TBL1X: variants seen among roughly 807,000 people sequenced by gnomAD.
TBL1X encodes transducin beta like 1 X-linked, also known as F-box-like/WD repeat-containing protein TBL1X.
In TBL1X, 10 loss-of-function variants were observed where a neutral mutation model predicts 50.7. The observed-to-expected ratio is 0.20, with a 90% CI of 0.12 to 0.33. The LOEUF is 0.33. Among genes scored for constraint, TBL1X ranks in the 10% least tolerant of loss-of-function variants. The pLI, the probability that TBL1X is intolerant of heterozygous loss-of-function variation, is 1.00. For missense variants in TBL1X, 340 were observed against 504.4 expected (o/e 0.67, Z 3.12); for synonymous variants, 190 against 214.7 (o/e 0.88, Z 1.01).
intron 5 of TBL1X, among the ~76,000 whole-genome samples, chrX:9,681,334 G>A (rs961458097): frequency 8.9e-6 from 1 of 111,923 alleles, no homozygotes; most frequent in Non-Finnish European, 1.9e-5. Context: ...AGTAAAAAGC[G>A]GAATCTCGGA....
intron 8 of TBL1X, 21 bp downstream of exon 8, chrX:9,691,732 G>GA: frequency 8.3e-7 from 1 of 1,208,534 alleles, no homozygotes; most frequent in African/African-American, 1.7e-5. Flanking sequence ...CAGGGTGGGG[G>GA]GCGCTCCAGA....
At chrX:9,571,942 T>A (rs930404198) in intron 2 of TBL1X, among the ~76,000 whole-genome samples, 1 of 112,519 alleles carries the variant, frequency 8.9e-6, no homozygotes, top group African/African-American at 3.2e-5. Flanking sequence ...CTGAATAATA[T>A]TCCCTTGTGT....
chrX:9,610,912 C>T (rs1440996431), intron 2 of TBL1X, among the ~76,000 whole-genome samples: 1 of 111,971 alleles, frequency 8.9e-6, no homozygotes, highest in African/African-American at 3.3e-5. Context: ...TGTTTTTCCT[C>T]AAAAGTGTAT....
intron 2 of TBL1X, among the ~76,000 whole-genome samples, chrX:9,581,732 G>A (rs1044604399): frequency 8.9e-5 from 10 of 111,992 alleles, no homozygotes; most frequent in Non-Finnish European, 1.7e-4. Context: ...TCTTGGAGAG[G>A]GCCAAGATCC....
chrX:9,483,621 C>A (rs184436478), intron 1 of TBL1X, among the ~76,000 whole-genome samples: 148 of 111,287 alleles, frequency 1.3e-3, no homozygotes, highest in South Asian at 2.3e-3. Context: ...CCCCCTGAAG[C>A]CTGCCTGCCT....
chrX:9,621,861 T>G (rs1219414034), intron 2 of TBL1X, among the ~76,000 whole-genome samples: 1 of 111,777 alleles, frequency 8.9e-6, no homozygotes, highest in Non-Finnish European at 1.9e-5. Flanking sequence ...TGACGAACAT[T>G]CAGATGTTCC....
At chrX:9,477,242 C>T (rs1054671173) in intron 1 of TBL1X, among the ~76,000 whole-genome samples, 8 of 112,278 alleles carry the variant, frequency 7.1e-5, no homozygotes, top group East Asian at 2.8e-4. Context: ...TTCTGCATGG[C>T]GTTTGCTGTG....
chrX:9,497,076 A>G (rs955954886), intron 1 of TBL1X, among the ~76,000 whole-genome samples: 1 of 111,629 alleles, frequency 9.0e-6, no homozygotes, highest in African/African-American at 3.3e-5. Flanking sequence ...TCAGGGCTCC[A>G]CTTGGTCTTA....
chrX:9,517,512 C>G (rs1407978539), intron 2 of TBL1X, among the ~76,000 whole-genome samples: 1 of 111,830 alleles, frequency 8.9e-6, no homozygotes, highest in Non-Finnish European at 1.9e-5. Context: ...AAATCCACAT[C>G]ACTAGAAAGA....
chrX:9,702,230 G>A (rs767216890), intron 12 of TBL1X, among the ~76,000 whole-genome samples: 1 of 110,316 alleles, frequency 9.1e-6, no homozygotes, highest in Non-Finnish European at 1.9e-5. Context: ...GAGCCCAGGA[G>A]TTTGAGACCA....
At chrX:9,597,813 C>T (rs946740604) in intron 2 of TBL1X, among the ~76,000 whole-genome samples, 1 of 111,769 alleles carries the variant, frequency 8.9e-6, no homozygotes, top group Non-Finnish European at 1.9e-5. Context: ...CCTGTAACCC[C>T]AGCTCCAGTG....
chrX:9,626,924 A>G (rs1291887072), intron 2 of TBL1X, among the ~76,000 whole-genome samples: 1 of 112,416 alleles, frequency 8.9e-6, no homozygotes, highest in Non-Finnish European at 1.9e-5. Context: ...ATTCCTATTC[A>G]GCGGCTGTAG....
At chrX:9,684,883 G>C (rs2083048221) in intron 6 of TBL1X, among the ~76,000 whole-genome samples, 1 of 112,324 alleles carries the variant, frequency 8.9e-6, no homozygotes, top group African/African-American at 3.2e-5. Flanking sequence ...TTCTGGAGCA[G>C]GTTGGTTAGA....
chrX:9,499,457 C>T (rs1389611339), intron 1 of TBL1X, among the ~76,000 whole-genome samples: 10 of 111,774 alleles, frequency 8.9e-5, no homozygotes, highest in African/African-American at 1.6e-4. Flanking sequence ...AGGGATAGGT[C>T]GGAAGAGAAA....
chrX:9,636,144 G>C (rs977631939), intron 2 of TBL1X: 1 of 111,890 alleles, frequency 8.9e-6, no homozygotes, highest in Non-Finnish European at 1.9e-5. Flanking sequence ...AGGCCTGGGG[G>C]AGGAGGGAAT....
intron 2 of TBL1X, among the ~76,000 whole-genome samples, chrX:9,607,306 T>C (rs1411473284): frequency 8.8e-6 from 1 of 113,203 alleles, no homozygotes; most frequent in Non-Finnish European, 1.9e-5. Flanking sequence ...CGCAGATTCC[T>C]AAGATTTTAG....
chrX:9,607,656 G>A (rs1328410055), intron 2 of TBL1X, among the ~76,000 whole-genome samples: 1 of 112,795 alleles, frequency 8.9e-6, no homozygotes, highest in Non-Finnish European at 1.9e-5. Flanking sequence ...TTCTTCCCTG[G>A]AGAGTTCTCA....
At chrX:9,478,624 G>C (rs777649779) in intron 1 of TBL1X, among the ~76,000 whole-genome samples, 21 of 111,705 alleles carry the variant, frequency 1.9e-4, no homozygotes, top group Middle Eastern at 4.7e-3. Flanking sequence ...TCAGGATGGG[G>C]GAGGAGAGGA....
rs190589727 is a variant in TBL1X, at chrX:9,475,094, G to C, written c.-201+9647G>C. On this transcript the variant is annotated intron_variant, in intron 1 of 17. Transcript: ENST00000645353. ...TTGCCATGTTGGCCAGGCTGGTCTC[G>C]AACTCCTGACCTCAGGTGATCCGCC... Among the ~76,000 whole-genome samples, 3 of 111,769 alleles carry C rather than the reference G, an allele frequency of 2.7e-5. No homozygotes were observed. The East Asian group carries it at 8.5e-4, about 32-fold the overall frequency.
Sources: gnomAD v4.1 joint callset for allele counts (sites outside exome capture counted in the v4.1 genomes callset) on GRCh38, gnomAD v4.1.1 for gene constraint, MANE v1.5 for transcripts, NCBI Gene and HGNC (gene_info 2026-07-23, HGNC 2026-07-21) for gene names.